Variants in SHROOM3 observed in about 807,000 individuals in gnomAD.
SHROOM3 encodes the protein shroom family member 3.
A neutral mutation model predicts 138.6 loss-of-function variants in SHROOM3; 47 were observed. That is an observed-to-expected ratio of 0.34 (90% CI 0.27 to 0.43). The LOEUF (loss-of-function observed/expected upper bound fraction) is 0.43, where lower values mean the gene tolerates loss of function less well. Among genes scored for constraint, SHROOM3 ranks in the 20% least tolerant of loss-of-function variants. The probability of loss-of-function intolerance (pLI) is 1.00; values close to 1 mark genes in which losing one functional copy is unlikely to be tolerated. For missense variants in SHROOM3, 2,491 were observed against 2,596.5 expected (o/e 0.96, Z 0.88); for synonymous variants, 1,062 against 1,063.3 (o/e 1.00, Z 0.02).
At chr4:76,742,230 ATTATC>A (rs2110135774) in intron 5 of SHROOM3, 1 of 416,680 alleles carries the variant, frequency 2.4e-6, no homozygotes, top group Non-Finnish European at 4.4e-6. Context: ...AAAATTAGGG[ATTATC>A]TTTTTTGTTT....
Position 76,754,681 on chromosome 4 carries a change from C to T in SHROOM3, c.4198C>T (p.Pro1400Ser). ...NGHTLTQPPG[P>S]RGCEGDGPEH... The stretch of plus-strand genomic sequence containing the variant: ...TCACACCCTGACCCAGCCTCCCGGT[C>T]CAAGAGGCTGTGAGGGCGATGGCCC... Residue 1400 changes from proline (P) to serine (S), a missense_variant, in exon 7 of 11, where the codon CCA becomes TCA. Physicochemically the swap from Pro to Ser is moderately conservative, Grantham distance 74. Transcript: ENST00000296043. 5 of 1,614,164 alleles carry T rather than the reference C, an allele frequency of 3.1e-6. No homozygotes were observed. The highest frequency in any genetic ancestry group is 4.2e-6 in the Non-Finnish European group (5 of 1,180,022).
intron 10 of SHROOM3, among the ~76,000 whole-genome samples, chr4:76,773,864 C>A (rs1490935229): frequency 1.3e-5 from 2 of 152,130 alleles, no homozygotes; most frequent in Non-Finnish European, 2.9e-5. Context: ...ATATCCAGCA[C>A]AGAAAATCAT....
intron 1 of SHROOM3, among the ~76,000 whole-genome samples, chr4:76,551,905 A>G (rs1733362275): frequency 6.6e-6 from 1 of 151,546 alleles, no homozygotes; most frequent in Non-Finnish European, 1.5e-5. Context: ...TCTGTCACCC[A>G]GGCTGGAGTG....
intron 2 of SHROOM3, among the ~76,000 whole-genome samples, chr4:76,592,282 T>A (rs893574196): frequency 3.3e-5 from 5 of 152,176 alleles, no homozygotes; most frequent in Admixed American, 3.3e-4. Context: ...TGGGAGGCAG[T>A]TAGCTTTTAC....
intron 2 of SHROOM3, among the ~76,000 whole-genome samples, chr4:76,659,909 A>AAGTTTTGTAAAGTTTTTACAAAACTTT (rs1577957678): frequency 1.3e-5 from 2 of 152,326 alleles, no homozygotes; most frequent in East Asian, 3.9e-4. Flanking sequence ...AAAACAAGAA[A>AAGTTTTGTAAAGTTTTTACAAAACTTT]AGATGGGTTC....
intron 2 of SHROOM3, among the ~76,000 whole-genome samples, chr4:76,570,090 G>T (rs1439482734): frequency 6.6e-6 from 1 of 151,894 alleles, no homozygotes; most frequent in Non-Finnish European, 1.5e-5. Context: ...TTTGGGGATG[G>T]TTTTTATTTC....
Position 76,756,510 on chromosome 4 carries a change from G to A in SHROOM3, c.4771G>A (p.Val1591Met). The change falls in exon 8 of 11, where the codon GTG (valine) becomes ATG (methionine). Residue 1591 changes from valine (V) to methionine (M), a missense_variant. Val to Met is a conservative substitution (Grantham distance 21, BLOSUM62 1). Around this residue, in one of 4 missense-constraint regions of SHROOM3, gnomAD observed 470 missense variants for 595.0 expected, o/e 0.79. Coordinates refer to ENST00000296043, the MANE Select transcript of SHROOM3 (RefSeq NM_020859.4). The stretch of plus-strand genomic sequence containing the variant: ...AAGGCACATGCCTGGTGCAGCCCAT[G>A]TGGTAGGTAGTCAGACACTGGCTTC... The part of the protein sequence containing the change: ...RERHMPGAAH[V>M]VGSQTLASRL... 1.5e-5 allele frequency: 24 copies of A among 1,613,538 alleles called. No individual in the cohort carries two copies. The highest frequency in any genetic ancestry group is 2.0e-5 in the Non-Finnish European group (24 of 1,179,966).
At chr4:76,460,463 G>C (rs952744769) in intron 1 of SHROOM3, among the ~76,000 whole-genome samples, 2 of 152,140 alleles carry the variant, frequency 1.3e-5, no homozygotes, top group African/African-American at 4.8e-5. Flanking sequence ...ACCATCGGTT[G>C]TTTATTAGTT....
chr4:76,602,002 G>A (rs1734517695), intron 2 of SHROOM3, among the ~76,000 whole-genome samples: 2 of 152,228 alleles, frequency 1.3e-5, no homozygotes, highest in South Asian at 2.1e-4. Flanking sequence ...ACACACAGCT[G>A]TTTTGTGGTG....
At chr4:76,526,227 C>T (rs1357154582) in intron 1 of SHROOM3, among the ~76,000 whole-genome samples, 1 of 151,984 alleles carries the variant, frequency 6.6e-6, no homozygotes, top group African/African-American at 2.4e-5. Flanking sequence ...ATTAGCTGGG[C>T]GTGGTGGCAG....
chr4:76,729,483 A>G (rs1021901472), intron 3 of SHROOM3, among the ~76,000 whole-genome samples: 1 of 152,182 alleles, frequency 6.6e-6, no homozygotes, highest in Admixed American at 6.5e-5. Context: ...CTATCACCCT[A>G]ATCTCTAAGG....
chr4:76,528,611 T>G (rs1560534947), intron 1 of SHROOM3, among the ~76,000 whole-genome samples: 1 of 143,186 alleles, frequency 7.0e-6, no homozygotes, highest in Non-Finnish European at 1.5e-5. Flanking sequence ...AATGGCACAA[T>G]CCTGGCTCAC....
chr4:76,600,974 T>C (rs774423629), intron 2 of SHROOM3, among the ~76,000 whole-genome samples: 130 of 152,346 alleles, frequency 8.5e-4, no homozygotes, highest in Non-Finnish European at 1.5e-3. Context: ...AAGTCTGTAT[T>C]TTTATACTAC....
At chr4:76,519,573 C>G (rs983723100) in intron 1 of SHROOM3, among the ~76,000 whole-genome samples, 1 of 152,096 alleles carries the variant, frequency 6.6e-6, no homozygotes, top group Non-Finnish European at 1.5e-5. Context: ...TTTCCTTTAT[C>G]TAGTACTGAA....
chr4:76,512,892 G>T (rs1732367694), intron 1 of SHROOM3, among the ~76,000 whole-genome samples: 1 of 152,188 alleles, frequency 6.6e-6, no homozygotes, highest in African/African-American at 2.4e-5. Flanking sequence ...ATACAGGGAA[G>T]AAACAAGGTG....
chr4:76,543,991 C>T (rs1733159777), intron 1 of SHROOM3, among the ~76,000 whole-genome samples: 1 of 152,220 alleles, frequency 6.6e-6, no homozygotes, highest in South Asian at 2.1e-4. Flanking sequence ...TAAGTCTTCT[C>T]TAATCGTGGA....
At chr4:76,692,812 A>G (rs2110108730) in intron 2 of SHROOM3, among the ~76,000 whole-genome samples, 1 of 152,364 alleles carries the variant, frequency 6.6e-6, no homozygotes, top group African/African-American at 2.4e-5. Flanking sequence ...CTAATCTATG[A>G]CAGAAGTCAG....
At chr4:76,546,527 T>C (rs536608858) in intron 1 of SHROOM3, among the ~76,000 whole-genome samples, 100 of 152,358 alleles carry the variant, frequency 6.6e-4, no homozygotes, top group African/African-American at 2.3e-3. Flanking sequence ...TATTTGACTT[T>C]ATTTCATTGG....
Position 76,467,498 on chromosome 4 carries a change from G to A in SHROOM3, c.168+31278G>A, listed in dbSNP as rs1171910921. Among the ~76,000 whole-genome samples, 3 of 152,136 alleles carry A rather than the reference G, an allele frequency of 2.0e-5. No homozygotes were observed. In the East Asian group the frequency reaches 5.8e-4, roughly 29 times the overall value. The stretch of plus-strand genomic sequence containing the variant: ...TAAAGAATGATTTTGGAACTGTGAA[G>A]GCTAAGCAAATACTGGTGAGAGGGA... On this transcript the variant is annotated intron_variant, in intron 1 of 10. Coordinates refer to ENST00000296043, the MANE Select transcript of SHROOM3 (RefSeq NM_020859.4).
Sources: gnomAD v4.1 joint callset for allele counts (sites outside exome capture counted in the v4.1 genomes callset) on GRCh38, gnomAD v4.1.1 for gene constraint, gnomAD v4.1.1 regional missense constraint, MANE v1.5 for transcripts, NCBI Gene and HGNC (gene_info 2026-07-23, HGNC 2026-07-21) for gene names.